Variants in NHERF4 observed in about 807,000 individuals in gnomAD.
NHERF4 encodes the protein NHERF family PDZ scaffold protein 4.
the NHERF4 span, chr11:119,189,686 A>G: frequency 3.1e-6 from 2 of 641,488 alleles, no homozygotes; most frequent in Non-Finnish European, 5.6e-6. This position sits in a 1 kb window ranked among gnomAD's most constrained non-coding sequence, Gnocchi z 5.8. Flanking sequence ...GAGGCCTCAG[A>G]CAGGTCCCTG....
chr11:119,189,514 C>G, the NHERF4 span: 1 of 1,612,992 alleles, frequency 6.2e-7, no homozygotes. This position sits in a 1 kb window ranked among gnomAD's most constrained non-coding sequence, Gnocchi z 5.8. Flanking sequence ...TTGGTACAGA[C>G]ATACTCAGGG....
At chr11:119,186,364 A>G in the NHERF4 span, 1 of 1,556,552 alleles carries the variant, frequency 6.4e-7, no homozygotes, top group East Asian at 2.3e-5. This position sits in a 1 kb window ranked among gnomAD's most constrained non-coding sequence, Gnocchi z 4.4. Context: ...ACACCCAACC[A>G]GGCAGAAACT....
chr11:119,189,562 G>A, the NHERF4 span: 11 of 1,548,924 alleles, frequency 7.1e-6, no homozygotes, highest in African/African-American at 8.1e-5. This position sits in a 1 kb window ranked among gnomAD's most constrained non-coding sequence, Gnocchi z 5.8. Context: ...AGGTGGTGAA[G>A]GCAGGATGCT....
the NHERF4 span, chr11:119,189,526 C>G: frequency 6.2e-7 from 1 of 1,610,086 alleles, no homozygotes; most frequent in Non-Finnish European, 8.5e-7. The surrounding 1 kb of genome is among the most constrained non-coding windows in gnomAD (Gnocchi z 5.8). Context: ...TACTCAGGGG[C>G]TACCGTGTCT....
chr11:119,188,262 G>A, the NHERF4 span: 8 of 1,575,046 alleles, frequency 5.1e-6, no homozygotes, highest in African/African-American at 2.7e-5. Context: ...GCCCTGGGCC[G>A]CCTCTTCCCG....
the NHERF4 span, chr11:119,188,729 G>C: frequency 6.2e-7 from 1 of 1,614,082 alleles, no homozygotes; most frequent in Non-Finnish European, 8.5e-7. Flanking sequence ...TTGAGACAGA[G>C]GACCCTTCAC....
chr11:119,188,533 G>A, the NHERF4 span: 12 of 1,598,946 alleles, frequency 7.5e-6, no homozygotes, highest in East Asian at 4.5e-5. Context: ...ACCCTGAGGC[G>A]GACCGCTTCT....
chr11:119,187,519 C>A, the NHERF4 span: 1 of 1,611,856 alleles, frequency 6.2e-7, no homozygotes, highest in Admixed American at 1.7e-5. Context: ...CTGTTCAGGG[C>A]AGGCAGGAAA....
At chr11:119,187,158 A>AG in the NHERF4 span, 2 of 828,376 alleles carry the variant, frequency 2.4e-6, no homozygotes, top group Non-Finnish European at 1.8e-6. Context: ...AAAAAAAAAA[A>AG]GAAAAAGAAA....
chr11:119,189,190 C>G, the NHERF4 span: 1 of 1,609,830 alleles, frequency 6.2e-7, no homozygotes, highest in Non-Finnish European at 8.5e-7. This position sits in a 1 kb window ranked among gnomAD's most constrained non-coding sequence, Gnocchi z 5.8. Context: ...CCTGGATTCC[C>G]CCTGGGGCTG....
At chr11:119,187,826 C>A in the NHERF4 span, 12 of 1,462,414 alleles carry the variant, frequency 8.2e-6, no homozygotes, top group Non-Finnish European at 9.9e-6. Flanking sequence ...CATCCTCCCC[C>A]TCTACAGTTT....
chr11:119,188,699 C>T, the NHERF4 span: 1 of 1,614,204 alleles, frequency 6.2e-7, no homozygotes, highest in East Asian at 2.2e-5. Context: ...CGCCCCGGGG[C>T]AGCAGCTCAG....
At chr11:119,190,209 T>TAAA in the NHERF4 span, 1 of 1,216,082 alleles carries the variant, frequency 8.2e-7, no homozygotes, top group Non-Finnish European at 1.1e-6. The surrounding 1 kb of genome is among the most constrained non-coding windows in gnomAD (Gnocchi z 4.2). Context: ...AAAATAAAAA[T>TAAA]AAGATCCACT....
chr11:119,186,787 TCC>T, the NHERF4 span: 1 of 1,196,498 alleles, frequency 8.4e-7, no homozygotes, highest in Non-Finnish European at 1.2e-6. The surrounding 1 kb of genome is among the most constrained non-coding windows in gnomAD (Gnocchi z 4.4). Flanking sequence ...CAAGCCTCAC[TCC>T]CCCACACCCC....
chr11:119,187,787 C>T, the NHERF4 span: 3 of 1,460,142 alleles, frequency 2.1e-6, no homozygotes, highest in Non-Finnish European at 2.7e-6. Context: ...TGCGCCTAAC[C>T]TCCTTATCTG....
the NHERF4 span, chr11:119,189,259 G>T: frequency 2.2e-5 from 35 of 1,560,980 alleles, no homozygotes; most frequent in Non-Finnish European, 3.0e-5. This position sits in a 1 kb window ranked among gnomAD's most constrained non-coding sequence, Gnocchi z 5.8. Context: ...GCAGGGAGGA[G>T]TGAGAAAGAA....
the NHERF4 span, chr11:119,188,533 G>C: frequency 6.3e-7 from 1 of 1,599,068 alleles, no homozygotes; most frequent in South Asian, 1.1e-5. Flanking sequence ...ACCCTGAGGC[G>C]GACCGCTTCT....
the NHERF4 span, chr11:119,186,771 A>C: frequency 2.2e-6 from 3 of 1,345,762 alleles, no homozygotes; most frequent in African/African-American, 4.4e-5. This position sits in a 1 kb window ranked among gnomAD's most constrained non-coding sequence, Gnocchi z 4.4. Flanking sequence ...GTATGGCAGC[A>C]GGGCACAAGC....
chr11:119,189,122 G>A, the NHERF4 span: 2 of 1,613,888 alleles, frequency 1.2e-6, no homozygotes, highest in African/African-American at 1.3e-5. The surrounding 1 kb of genome is among the most constrained non-coding windows in gnomAD (Gnocchi z 5.8). Flanking sequence ...GCAGCTGCCT[G>A]AGGCTGAGCC....
Sources: gnomAD v4.1 joint callset for allele counts on GRCh38, gnomAD v4.1.1 for gene constraint, Gnocchi (gnomAD v3.1) non-coding constraint, MANE v1.5 for transcripts, NCBI Gene and HGNC (gene_info 2026-07-23, HGNC 2026-07-21) for gene names.